TMEM134: variants seen among roughly 807,000 people sequenced by gnomAD.
TMEM134 encodes transmembrane protein 134.
In TMEM134, 36 loss-of-function variants were observed where a neutral mutation model predicts 26.2. The observed-to-expected ratio is 1.37, with a 90% CI of 1.05 to 1.81. The LOEUF (loss-of-function observed/expected upper bound fraction) is 1.81, where lower values mean the gene tolerates loss of function less well. Ranked by LOEUF, TMEM134 falls within the 40% of genes most tolerant of loss-of-function variation. The probability of loss-of-function intolerance (pLI) is 0.00; values close to 1 mark genes in which losing one functional copy is unlikely to be tolerated. For missense variants in TMEM134, 339 were observed against 263.5 expected (o/e 1.29, Z -1.98); for synonymous variants, 133 against 113.6 (o/e 1.17, Z -1.08).
intron 4 of TMEM134, chr11:67,465,771 TA>T (rs879534262): frequency 7.3e-5 from 11 of 151,232 alleles, no homozygotes; most frequent in African/African-American, 1.7e-4. Context: ...TATAAAAGGT[TA>T]AAAAAAAATT....
chr11:67,462,182 A>AC lies in TMEM134; in HGVS notation c.*2431_*2432insG, dbSNP rs948817356. The AC allele has an allele frequency of 7.2e-5, 11 of 151,764 alleles. No homozygotes were observed. Among genetic ancestry groups the AC allele is most frequent in the African/African-American group, 2.4e-4 (10 of 41,280 alleles). 9.4% of individuals were successfully genotyped at this position (151,764 alleles called of 1,614,324 possible). ...GACTCGTCTCAAAAAAAAAACAAAA[A>AC]AAAAAAAAACAAGGAGTAAAAAGTT... On this transcript the variant is annotated 3_prime_UTR_variant, in exon 7 of 7. Transcript: ENST00000308022.
At position 67,466,911 on chromosome 11, in the gene TMEM134, C is replaced by G. The variant is rs536105485; in HGVS notation, c.406+401G>C. The G allele has an allele frequency of 3.2e-5, 8 of 247,010 alleles. No homozygotes were observed. In the East Asian group the frequency reaches 3.6e-4, roughly 11 times the overall value. 15.3% of individuals were successfully genotyped at this position (247,010 alleles called of 1,614,324 possible). A position where few individuals can be genotyped will look rare whatever the true frequency, so the allele number is the denominator to read the frequency against. On this transcript the variant is annotated intron_variant, in intron 4 of 6. Transcript: ENST00000308022. ...TGGCTGGGCACTCGGCATCCCTGAG[C>G]CCCTACACGTGGCTTCTGGGCACCA...
rs1267605949 is a variant in TMEM134 at position 67,464,095 on chromosome 11, G to C, written c.*519C>G. 5.8e-6 allele frequency: 1 copy of C among 172,326 alleles called. No individual in the cohort carries two copies. Among genetic ancestry groups the C allele is most frequent in the East Asian group, 1.8e-4 (1 of 5,462 alleles). The allele number at this position is 172,326 out of a possible 1,614,324, so 10.7% of individuals were successfully genotyped here. On this transcript the variant is annotated 3_prime_UTR_variant, in exon 7 of 7. Coordinates refer to ENST00000308022, the MANE Select transcript of TMEM134 (RefSeq NM_025124.4). ...CCCTCGGCCAGGGCCACCAGACAGA[G>C]ACGGGCTGGTTGAGTCATCCAAGGG...
chr11:67,464,604 T>G lies in TMEM134; in HGVS notation c.*10A>C. 1 of 1,551,804 alleles carries G rather than the reference T, an allele frequency of 6.4e-7. No individual in the cohort carries two copies. The highest frequency in any genetic ancestry group is 1.7e-4 in the Middle Eastern group (1 of 5,992). On this transcript the variant is annotated 3_prime_UTR_variant, in exon 7 of 7. Coordinates refer to ENST00000308022, the MANE Select transcript of TMEM134 (RefSeq NM_025124.4). ...CCCCATGGGCGCAAGGGGTCCACGC[T>G]GCGCCGCGATCACTTCTCGAAGTAG...
chr11:67,467,437 G>T (rs758104228), intron 3 of TMEM134, 49 bp from the exon 4 acceptor site: 11 of 1,611,514 alleles, frequency 6.8e-6, no homozygotes, highest in South Asian at 2.2e-5. Context: ...GAGGGAGGGG[G>T]TGCAGGAGGC....
At chr11:67,465,398 C>G (rs906406707) in intron 4 of TMEM134, 29 of 537,784 alleles carry the variant, frequency 5.4e-5, no homozygotes, top group African/African-American at 4.4e-4. Flanking sequence ...CAGATAAGGT[C>G]CCTGCCCTCA....
In TMEM134 at chr11:67,468,050, G is replaced by C; in HGVS notation, c.217C>G (p.Pro73Ala). 1 of 1,562,562 alleles carries C rather than the reference G, an allele frequency of 6.4e-7. No individual in the cohort carries two copies. The highest frequency in any genetic ancestry group is 2.4e-5 in the East Asian group (1 of 41,768). Residue 73 changes from proline (P) to alanine (A), a missense_variant, in exon 2 of 7, where the codon CCG becomes GCG. Pro to Ala is a conservative substitution (Grantham distance 27). Coordinates refer to ENST00000308022, the MANE Select transcript of TMEM134 (RefSeq NM_025124.4). ...DEDGAQASPE[P>A]DGGVGTRDSS... ...AACCTGGTGCCGACTCCCCCATCCGGCTCCGGAGAGGCCTGGGCTCCATCC... is the reference window on the plus strand; with the variant it reads ...AACCTGGTGCCGACTCCCCCATCCGCCTCCGGAGAGGCCTGGGCTCCATCC...
At position 67,464,816 on chromosome 11, in the gene TMEM134, C is replaced by G. The variant is rs886793749; in HGVS notation, c.492G>C (p.Leu164Phe). Residue 164 changes from leucine (L) to phenylalanine (F), a missense_variant, in exon 6 of 7, where the codon TTG (leucine) becomes TTC (phenylalanine). Physicochemically the swap from Leu to Phe is conservative, Grantham distance 22 (BLOSUM62 0). Coordinates refer to ENST00000308022, the MANE Select transcript of TMEM134 (RefSeq NM_025124.4). ...SAIFFVPGFLLLVPGVYHVIF... is the reference protein window; with the variant it reads ...SAIFFVPGFLFLVPGVYHVIF... ...GCCCGCTCGCACCTCCAGGCACCAA[C>G]AACAGGAAGCCCGGCACGAAGAAGA... 3 of 1,609,844 alleles carry G rather than the reference C, an allele frequency of 1.9e-6. No individual in the cohort carries two copies. The highest frequency in any genetic ancestry group is 2.5e-6 in the Non-Finnish European group (3 of 1,179,526).
Position 67,463,973 on chromosome 11 carries a change from C to T in TMEM134, c.*641G>A, listed in dbSNP as rs1292172826. ...GGCTGGGCCATTGCCTTGACATGGC[C>T]CACATTCAGGGCTGGCTGTGGCAGC... On this transcript the variant is annotated 3_prime_UTR_variant, in exon 7 of 7. Transcript: ENST00000308022. The T allele has an allele frequency of 2.6e-5, 4 of 155,596 alleles. No individual in the cohort carries two copies. Among genetic ancestry groups the T allele is most frequent in the Non-Finnish European group, 5.7e-5 (4 of 69,988 alleles). 9.6% of individuals were successfully genotyped at this position (155,596 alleles called of 1,614,324 possible).
chr11:67,465,055 C>T lies in TMEM134; in HGVS notation c.451+1G>A, dbSNP rs780604851. On this transcript the variant is annotated splice_donor_variant, in intron 5 of 6. Transcript: ENST00000308022. LOFTEE classifies it high-confidence loss of function. ...CCTGTGGGGGCGGGAGGGTCGCTCA[C>T]CTGGAGAGGGGGTCGCCTCCAGTCC... is the stretch of plus-strand genomic sequence containing the variant. 4.4e-6 allele frequency: 7 copies of T among 1,581,198 alleles called. No homozygotes were observed. The highest frequency in any genetic ancestry group is 4.5e-5 in the East Asian group (2 of 44,374).
At chr11:67,466,428 C>T (rs1333270115) in intron 4 of TMEM134, 1 of 152,424 alleles carries the variant, frequency 6.6e-6, no homozygotes, top group East Asian at 1.9e-4. Context: ...CAAAGGCCCT[C>T]TAAGGCGCTC....
intron 1 of TMEM134, 101 bp from the exon 2 acceptor site, chr11:67,468,193 C>T (rs1565173628): frequency 3.6e-6 from 4 of 1,097,302 alleles, no homozygotes; most frequent in Admixed American, 4.2e-5. Flanking sequence ...TTTGCCTGGC[C>T]GCCTGGCAGC....
chr11:67,467,466 G>A, intron 3 of TMEM134, 35 bp downstream of exon 3: 1 of 1,612,894 alleles, frequency 6.2e-7, no homozygotes, highest in Non-Finnish European at 8.5e-7. Flanking sequence ...TGGAGCCAGG[G>A]CTGCTCGGCT....
intron 1 of TMEM134, 178 bp from the exon 2 acceptor site, chr11:67,468,270 TG>T: frequency 1.6e-6 from 1 of 616,496 alleles, no homozygotes; most frequent in Non-Finnish European, 2.9e-6. Flanking sequence ...AGGTAGGAGG[TG>T]GGTGGATGCC....
At position 67,464,702 on chromosome 11, in the gene TMEM134, G is replaced by T. The variant is rs202106708; in HGVS notation, c.506-6C>A. On this transcript the variant is annotated splice_region_variant and splice_polypyrimidine_tract_variant and intron_variant, in intron 6 of 6. Coordinates refer to ENST00000308022, the MANE Select transcript of TMEM134 (RefSeq NM_025124.4). ...GATGAAGATCACGTGATAGACTGCG[G>T]GGCGGGGCCTGTCAGCGCAGAAGCC... The T allele has an allele frequency of 9.7e-6, 15 of 1,552,278 alleles. No homozygotes were observed. The Middle Eastern group carries it at 5.0e-4, about 52-fold the overall frequency.
In TMEM134 at chr11:67,464,595, G is replaced by T; in HGVS notation, c.*19C>A. 1 of 1,551,320 alleles carries T rather than the reference G, an allele frequency of 6.4e-7. No individual in the cohort carries two copies. Among genetic ancestry groups the T allele is most frequent in the Non-Finnish European group, 8.7e-7 (1 of 1,146,614 alleles). On this transcript the variant is annotated 3_prime_UTR_variant, in exon 7 of 7. Transcript: ENST00000308022. ...GAGGGGCGCCCCCATGGGCGCAAGG[G>T]GTCCACGCTGCGCCGCGATCACTTC...
chr11:67,467,826 C>G lies in TMEM134; in HGVS notation c.239+202G>C. On this transcript the variant is annotated intron_variant, in intron 2 of 6. Coordinates refer to ENST00000308022, the MANE Select transcript of TMEM134 (RefSeq NM_025124.4). ...GGGGGCCAGACCAGACTGGGGGTTT[C>G]TGAAAGAGGTGAGTACAGCTGGGCA... 3 of 658,510 alleles carry G rather than the reference C, an allele frequency of 4.6e-6. No homozygotes were observed. The South Asian group carries it at 5.6e-5, about 12-fold the overall frequency. 40.8% of individuals were successfully genotyped at this position (658,510 alleles called of 1,614,324 possible).
At chr11:67,465,140 G>A in intron 4 of TMEM134, 40 bp from the exon 5 acceptor site, 1 of 1,549,596 alleles carries the variant, frequency 6.5e-7, no homozygotes. Context: ...GGCAGGAGCA[G>A]TGGTGAGGGC....
Position 67,464,402 on chromosome 11 carries a change from G to A in TMEM134, c.*212C>T, listed in dbSNP as rs1399367446. Reference sequence around the variant, plus strand: ...ATTAGCACAAAATAACAGCAACCTAGCAGCCGCACGGCCCGAGAATAAGTT... The same window carrying A: ...ATTAGCACAAAATAACAGCAACCTAACAGCCGCACGGCCCGAGAATAAGTT... On this transcript the variant is annotated 3_prime_UTR_variant, in exon 7 of 7. Coordinates refer to ENST00000308022, the MANE Select transcript of TMEM134 (RefSeq NM_025124.4). 7 of 609,246 alleles carry A rather than the reference G, an allele frequency of 1.1e-5. No individual in the cohort carries two copies. The Admixed American group carries it at 1.8e-4, about 15-fold the overall frequency. The allele number at this position is 609,246 out of a possible 1,614,324, so 37.7% of individuals were successfully genotyped here.
Sources: gnomAD v4.1 joint callset for allele counts on GRCh38, gnomAD v4.1.1 for gene constraint, MANE v1.5 for transcripts, NCBI Gene and HGNC (gene_info 2026-07-23, HGNC 2026-07-21) for gene names.